ZSCAN25: variants seen among roughly 807,000 people sequenced by gnomAD.
ZSCAN25 encodes zinc finger and SCAN domain-containing protein 25.
In ZSCAN25, 27 loss-of-function variants were observed where a neutral mutation model predicts 38.7. The observed-to-expected ratio is 0.70, with a 90% CI of 0.51 to 0.96. The LOEUF is 0.96. Among genes scored for constraint, ZSCAN25 ranks in the 40% least tolerant of loss-of-function variants. The pLI, the probability that ZSCAN25 is intolerant of heterozygous loss-of-function variation, is 0.00. For synonymous variants in ZSCAN25, 273 were observed against 277.7 expected (o/e 0.98, Z 0.17); for missense variants, 637 against 705.9 (o/e 0.90, Z 1.11).
downstream of ZSCAN25, among the ~76,000 whole-genome samples, chr7:99,634,941 C>CAATAGT (rs1321317726): frequency 6.6e-6 from 1 of 152,062 alleles, no homozygotes; most frequent in Admixed American, 6.6e-5. Context: ...GACTCTGTCT[C>CAATAGT]AATAGTAATA....
chr7:99,645,449 A>G, the ZSCAN25 span, among the ~76,000 whole-genome samples: 1 of 152,180 alleles, frequency 6.6e-6, no homozygotes, highest in Non-Finnish European at 1.5e-5. Context: ...TTTATGATTT[A>G]TATTCCTCTG....
the ZSCAN25 span, among the ~76,000 whole-genome samples, chr7:99,731,388 G>A: frequency 6.6e-6 from 1 of 152,204 alleles, no homozygotes; most frequent in African/African-American, 2.4e-5. Flanking sequence ...AAGTCTTCAT[G>A]GCCCCAGTCT....
At chr7:99,724,386 A>G in the ZSCAN25 span, among the ~76,000 whole-genome samples, 1 of 152,184 alleles carries the variant, frequency 6.6e-6, no homozygotes, top group Non-Finnish European at 1.5e-5. Flanking sequence ...AAATGGTCTG[A>G]GGTGCCTGAC....
At chr7:99,722,225 T>A in the ZSCAN25 span, 1 of 1,595,330 alleles carries the variant, frequency 6.3e-7, no homozygotes, top group Non-Finnish European at 8.6e-7. Flanking sequence ...GGGCTGAGAC[T>A]ATCCTCTGTG....
Position 99,629,436 on chromosome 7 carries a change from C to T in ZSCAN25, c.1051C>T (p.Pro351Ser), listed in dbSNP as rs771385033. The T allele has an allele frequency of 1.8e-5, 29 of 1,614,104 alleles. No individual in the cohort carries two copies. In the East Asian group the frequency reaches 5.8e-4, roughly 32 times the overall value. ...HSSFWKPFQCPECGKGFSRSS... is the reference protein window; with the variant it reads ...HSSFWKPFQCSECGKGFSRSS... ...CTCCTTCTGGAAGCCTTTCCAGTGC[C>T]CTGAGTGTGGGAAAGGATTCAGTCG... Residue 351 changes from proline (P) to serine (S), a missense_variant, in exon 8 of 8, where the codon CCT (proline) becomes TCT (serine). Transcript: ENST00000394152. The surrounding 1 kb of genome is among the most constrained non-coding windows in gnomAD (Gnocchi z 5.6).
At chr7:99,683,840 T>C in the ZSCAN25 span, among the ~76,000 whole-genome samples, 1 of 152,136 alleles carries the variant, frequency 6.6e-6, no homozygotes, top group African/African-American at 2.4e-5. Flanking sequence ...TCTACCTTAA[T>C]GTGTGGCCAC....
At chr7:99,641,423 A>G in the ZSCAN25 span, among the ~76,000 whole-genome samples, 2 of 152,092 alleles carry the variant, frequency 1.3e-5, no homozygotes, top group Admixed American at 6.5e-5. Context: ...ACATGTGGGG[A>G]TTATGGAAAC....
At chr7:99,720,446 A>G in the ZSCAN25 span, 3 of 1,611,774 alleles carry the variant, frequency 1.9e-6, no homozygotes, top group Admixed American at 1.7e-5. Flanking sequence ...TTAAACATCA[A>G]CAGCCTTATG....
At chr7:99,681,128 A>T in the ZSCAN25 span, among the ~76,000 whole-genome samples, 2 of 152,234 alleles carry the variant, frequency 1.3e-5, no homozygotes, top group African/African-American at 4.8e-5. Flanking sequence ...TACAGATAAC[A>T]GGATCTCATG....
chr7:99,712,420 G>A, the ZSCAN25 span, among the ~76,000 whole-genome samples: 2 of 152,164 alleles, frequency 1.3e-5, no homozygotes, highest in African/African-American at 4.8e-5. Flanking sequence ...TTGACATGTG[G>A]CTATTTAAAA....
intron 7 of ZSCAN25, among the ~76,000 whole-genome samples, chr7:99,626,358 T>C (rs960529679): frequency 6.6e-6 from 1 of 152,204 alleles, no homozygotes; most frequent in Admixed American, 6.5e-5. Context: ...TAAAAATTTT[T>C]TCTGCGCAGA....
In ZSCAN25 at chr7:99,630,822, T is replaced by C. The variant is rs1320191196; in HGVS notation, c.*802T>C. ...CTATTAGGAAGTTAGTATTTTGCTA[T>C]TGATCACTGAATAAACATCAGAGTA... On this transcript the variant is annotated 3_prime_UTR_variant, in exon 8 of 8. Coordinates refer to ENST00000394152, the MANE Select transcript of ZSCAN25 (RefSeq NM_145115.3). 1.0e-6 allele frequency: 1 copy of C among 985,328 alleles called. No individual in the cohort carries two copies. Among genetic ancestry groups the C allele is most frequent in the Admixed American group, 6.1e-5 (1 of 16,270 alleles). The allele number at this position is 985,328 out of a possible 1,614,324, so 61.0% of individuals were successfully genotyped here. A position where few individuals can be genotyped will look rare whatever the true frequency, so the allele number is the denominator to read the frequency against.
chr7:99,631,882 G>A lies in ZSCAN25; in HGVS notation c.*1862G>A, dbSNP rs769997629. 53 of 985,360 alleles carry A rather than the reference G, an allele frequency of 5.4e-5. No individual in the cohort carries two copies. Among genetic ancestry groups the A allele is most frequent in the Non-Finnish European group, 6.4e-5 (53 of 830,008 alleles). 61.0% of individuals were successfully genotyped at this position (985,360 alleles called of 1,614,324 possible). A position where few individuals can be genotyped will look rare whatever the true frequency, so the allele number is the denominator to read the frequency against. ...TCCTCTGTAATACTGAGGTCCACAT[G>A]CAAAATCAGCTTTTTTTCCCCCGTA... On this transcript the variant is annotated 3_prime_UTR_variant, in exon 8 of 8. Transcript: ENST00000394152.
chr7:99,652,052 G>A, the ZSCAN25 span, among the ~76,000 whole-genome samples: 2 of 152,020 alleles, frequency 1.3e-5, no homozygotes, highest in Admixed American at 6.6e-5. Flanking sequence ...TAAAGTTTCT[G>A]TTAAATTCAG....
the ZSCAN25 span, among the ~76,000 whole-genome samples, chr7:99,656,994 G>T: frequency 5.3e-5 from 8 of 151,948 alleles, no homozygotes; most frequent in African/African-American, 1.9e-4. Context: ...AGTCTTGCTA[G>T]CATTCTATCA....
At chr7:99,623,953 C>G in intron 6 of ZSCAN25, 104 bp from the exon 7 acceptor site, 1 of 1,511,392 alleles carries the variant, frequency 6.6e-7, no homozygotes, top group Non-Finnish European at 9.1e-7. Context: ...TCCCATTCAA[C>G]TGTTGGGAGG....
chr7:99,651,020 G>T, the ZSCAN25 span, among the ~76,000 whole-genome samples: 1 of 152,160 alleles, frequency 6.6e-6, no homozygotes, highest in African/African-American at 2.4e-5. Flanking sequence ...TGGCATTGTT[G>T]TCATATGTTT....
At chr7:99,651,776 G>C in the ZSCAN25 span, among the ~76,000 whole-genome samples, 1 of 152,202 alleles carries the variant, frequency 6.6e-6, no homozygotes. Context: ...CCTAAGGCCT[G>C]ACCTTGTCCC....
chr7:99,699,896 G>C, the ZSCAN25 span: 1 of 1,004,916 alleles, frequency 1.0e-6, no homozygotes. Context: ...AACAGATGAG[G>C]GAACAGGGGC....
Sources: gnomAD v4.1 joint callset for allele counts (sites outside exome capture counted in the v4.1 genomes callset) on GRCh38, gnomAD v4.1.1 for gene constraint, Gnocchi (gnomAD v3.1) non-coding constraint, MANE v1.5 for transcripts, NCBI Gene and HGNC (gene_info 2026-07-23, HGNC 2026-07-21) for gene names.